Variants in MAP4K2 observed in about 807,000 individuals in gnomAD.
MAP4K2 encodes mitogen-activated protein kinase kinase kinase kinase 2.
A neutral mutation model predicts 125.3 loss-of-function variants in MAP4K2; 85 were observed. The observed-to-expected ratio is 0.68, with a 90% CI of 0.57 to 0.81. The LOEUF is 0.81. Among genes scored for constraint, MAP4K2 ranks in the 40% least tolerant of loss-of-function variants. The probability of loss-of-function intolerance (pLI) is 0.00; values close to 1 mark genes in which losing one functional copy is unlikely to be tolerated. For missense variants in MAP4K2, 923 were observed against 1,056.4 expected (o/e 0.87, Z 1.75); for synonymous variants, 479 against 445.1 (o/e 1.08, Z -0.96).
intron 12 of MAP4K2, 53 bp downstream of exon 12, chr11:64,800,056 G>T: frequency 7.0e-7 from 1 of 1,428,106 alleles, no homozygotes; most frequent in Non-Finnish European, 9.6e-7. Context: ...TCACCCTCGG[G>T]CTCTTTCTAA....
In MAP4K2 at chr11:64,796,485, C is replaced by T. The variant is rs370238726; in HGVS notation, c.1633+8G>A. Reference sequence around the variant, plus strand: ...GGACCCTGCCTCCCTGCCCATCCCACCTTGTACCTGAGAGTGACAGCAGCA... The same window carrying T: ...GGACCCTGCCTCCCTGCCCATCCCATCTTGTACCTGAGAGTGACAGCAGCA... On this transcript the variant is annotated splice_region_variant and intron_variant, in intron 23 of 31. Coordinates refer to ENST00000294066, the MANE Select transcript of MAP4K2 (RefSeq NM_004579.5). The T allele has an allele frequency of 5.9e-5, 95 of 1,613,928 alleles. 1 individual carries two copies. The African/African-American group carries it at 1.2e-3, about 20-fold the overall frequency.
intron 27 of MAP4K2, among the ~76,000 whole-genome samples, chr11:64,791,439 T>C (rs1449084822): frequency 6.6e-6 from 1 of 152,222 alleles, no homozygotes; most frequent in Non-Finnish European, 1.5e-5. Context: ...TGGAGTGCAG[T>C]GGCGCGAACA....
chr11:64,790,026 G>C lies in MAP4K2; in HGVS notation c.2249-67C>G, dbSNP rs559023055. ...CACCCCCTCAGCCACGCCTGAGCCT[G>C]GGTCTGGGCCACAGGGGTCCTCACT... On this transcript the variant is annotated intron_variant, in intron 29 of 31. Transcript: ENST00000294066. 11 of 1,587,294 alleles carry C rather than the reference G, an allele frequency of 6.9e-6. No individual in the cohort carries two copies. The African/African-American group carries it at 1.2e-4, about 17-fold the overall frequency.
At chr11:64,792,624 G>C (rs946233651) in intron 24 of MAP4K2, among the ~76,000 whole-genome samples, 1 of 152,208 alleles carries the variant, frequency 6.6e-6, no homozygotes, top group Non-Finnish European at 1.5e-5. Flanking sequence ...AGCCAGGAGG[G>C]AGTGTCTCCA....
At chr11:64,799,528 A>G in intron 13 of MAP4K2, 49 bp from the exon 14 acceptor site, 1 of 1,611,634 alleles carries the variant, frequency 6.2e-7, no homozygotes, top group Non-Finnish European at 8.5e-7. Context: ...CTCAGGATGG[A>G]CCTCTACTCA....
chr11:64,792,261 T>C lies in MAP4K2; in HGVS notation c.1825A>G (p.Thr609Ala), dbSNP rs922945025. The C allele has an allele frequency of 1.2e-6, 2 of 1,610,608 alleles. No individual in the cohort carries two copies. Among genetic ancestry groups the C allele is most frequent in the Non-Finnish European group, 1.7e-6 (2 of 1,179,104 alleles). ...LQCRVVRNPY[T>A]GATFLLAALP... ...GCGGCCAGCAGGAAGGTGGCACCCGTGTAGGGGTTCCGCACTGGCAGGGGA... is the reference window on the plus strand; with the variant it reads ...GCGGCCAGCAGGAAGGTGGCACCCGCGTAGGGGTTCCGCACTGGCAGGGGA... The change falls in exon 26 of 32, where the codon ACG becomes GCG. Residue 609 changes from threonine (T) to alanine (A), a missense_variant. Around this residue, in one of 2 missense-constraint regions of MAP4K2, gnomAD observed 833 missense variants for 911.4 expected, o/e 0.91. Coordinates refer to ENST00000294066, the MANE Select transcript of MAP4K2 (RefSeq NM_004579.5).
At chr11:64,800,558 C>T (rs1312175967) in intron 10 of MAP4K2, among the ~76,000 whole-genome samples, 166 bp from the exon 11 acceptor site, 1 of 152,230 alleles carries the variant, frequency 6.6e-6, no homozygotes, top group Non-Finnish European at 1.5e-5. Context: ...TGCGACACAG[C>T]GGCTCCTCCA....
At chr11:64,798,136 C>T (rs1002689514) in intron 15 of MAP4K2, among the ~76,000 whole-genome samples, 1 of 152,030 alleles carries the variant, frequency 6.6e-6, no homozygotes, top group Non-Finnish European at 1.5e-5. Context: ...GGATTACAGG[C>T]GTGGGCCACC....
intron 10 of MAP4K2, 73 bp from the exon 11 acceptor site, chr11:64,800,465 A>C (rs1565623962): frequency 6.6e-7 from 1 of 1,526,438 alleles, no homozygotes; most frequent in Non-Finnish European, 9.0e-7. Context: ...CAGCTGCCCT[A>C]CCACCCCTCC....
Position 64,792,494 on chromosome 11 carries a change from G to A in MAP4K2, c.1752-72C>T, listed in dbSNP as rs985743075. 4.7e-6 allele frequency: 6 copies of A among 1,288,786 alleles called. No homozygotes were observed. In the African/African-American group the frequency reaches 5.9e-5, roughly 13 times the overall value. 79.8% of individuals were successfully genotyped at this position (1,288,786 alleles called of 1,614,324 possible). A position where few individuals can be genotyped will look rare whatever the true frequency, so the allele number is the denominator to read the frequency against. On this transcript the variant is annotated intron_variant, in intron 24 of 31. Coordinates refer to ENST00000294066, the MANE Select transcript of MAP4K2 (RefSeq NM_004579.5). ...GCAAGGCCCCTGCAGAGCCCTATGA[G>A]GTGGGCACTATCAGCTTCCCTCTTT...
chr11:64,801,952 C>T, intron 5 of MAP4K2, 114 bp downstream of exon 5: 1 of 1,213,614 alleles, frequency 8.2e-7, no homozygotes, highest in Non-Finnish European at 1.2e-6. Flanking sequence ...GGACCTACAG[C>T]CCCTCGGGCC....
At position 64,798,857 on chromosome 11, in the gene MAP4K2, A is replaced by G; in HGVS notation, c.1054-20T>C. 6.3e-7 allele frequency: 1 copy of G among 1,580,214 alleles called. No individual in the cohort carries two copies. The highest frequency in any genetic ancestry group is 8.6e-7 in the Non-Finnish European group (1 of 1,163,592). ...CTCCCACTGGGGGAAACCAAGGTAGAGACCGGGGAAGAAGCAGAGACAGAT... is the reference window on the plus strand; with the variant it reads ...CTCCCACTGGGGGAAACCAAGGTAGGGACCGGGGAAGAAGCAGAGACAGAT... On this transcript the variant is annotated intron_variant, in intron 14 of 31. Coordinates refer to ENST00000294066, the MANE Select transcript of MAP4K2 (RefSeq NM_004579.5).
chr11:64,798,912 G>T, intron 14 of MAP4K2, 75 bp from the exon 15 acceptor site: 1 of 1,262,858 alleles, frequency 7.9e-7, no homozygotes, highest in Admixed American at 2.2e-5. Context: ...AAGAGATTCA[G>T]GAAAGGAAAG....
Position 64,797,346 on chromosome 11 carries a change from A to C in MAP4K2, c.1205T>G (p.Ile402Ser). Residue 402 changes from isoleucine to serine, a missense_variant, in exon 18 of 32, where the codon ATC becomes AGC. Around this residue, in one of 2 missense-constraint regions of MAP4K2, gnomAD observed 833 missense variants for 911.4 expected, o/e 0.91. Transcript: ENST00000294066. Reference protein sequence around the residue: ...LDSPDDTMGTIKRAPFLGPLP... With the variant: ...LDSPDDTMGTSKRAPFLGPLP... ...TGGCCCTAGGAACGGGGCCCGCTTG[A>C]TGGTTCCCATGGTATCGTCTGGGGA... The C allele has an allele frequency of 6.3e-7, 1 of 1,596,944 alleles. No individual in the cohort carries two copies. Among genetic ancestry groups the C allele is most frequent in the Non-Finnish European group, 8.5e-7 (1 of 1,171,808 alleles).
At position 64,797,671 on chromosome 11, in the gene MAP4K2, A is replaced by G; in HGVS notation, c.1098-7T>C. On this transcript the variant is annotated splice_polypyrimidine_tract_variant and splice_region_variant and intron_variant, in intron 15 of 31. Transcript: ENST00000294066. ...GACCGACTGCAGCAGGCTCCTGGGCAGTGGGGAAAAGGGGTCAGAGGTCAA... is the reference window on the plus strand; with the variant it reads ...GACCGACTGCAGCAGGCTCCTGGGCGGTGGGGAAAAGGGGTCAGAGGTCAA... The G allele has an allele frequency of 6.6e-7, 1 of 1,518,854 alleles. No individual in the cohort carries two copies. 94.1% of individuals were successfully genotyped at this position (1,518,854 alleles called of 1,614,324 possible). A position where few individuals can be genotyped will look rare whatever the true frequency, so the allele number is the denominator to read the frequency against.
chr11:64,795,593 G>A (rs1003960081), intron 24 of MAP4K2, among the ~76,000 whole-genome samples: 3 of 152,064 alleles, frequency 2.0e-5, no homozygotes, highest in East Asian at 1.9e-4. Flanking sequence ...TAGTACAGAC[G>A]GGGTTTCACT....
intron 3 of MAP4K2, 30 bp from the exon 4 acceptor site, chr11:64,802,513 A>T: frequency 6.4e-7 from 1 of 1,564,770 alleles, no homozygotes; most frequent in Non-Finnish European, 8.7e-7. Flanking sequence ...GTGGGCACAA[A>T]GCAGGTCACA....
chr11:64,802,974 G>A, intron 1 of MAP4K2, 32 bp from the exon 2 acceptor site: 2 of 1,557,100 alleles, frequency 1.3e-6, no homozygotes, highest in East Asian at 2.4e-5. Flanking sequence ...CGGGATGGGG[G>A]GCGGGGCCGG....
rs749898680 is a variant in MAP4K2 at position 64,800,081 on chromosome 11, GACTC to G, written c.915+24_915+27del. The G allele has an allele frequency of 7.1e-6, 11 of 1,540,084 alleles. No homozygotes were observed. The East Asian group carries it at 2.6e-4, about 37-fold the overall frequency. ...GCTCTTTCTAAGCAGACCAGCCCAA[GACTC>G]ACTTTCCAGCCCCCCTCACCTACCT... On this transcript the variant is annotated intron_variant, in intron 12 of 31. Coordinates refer to ENST00000294066, the MANE Select transcript of MAP4K2 (RefSeq NM_004579.5).
Sources: gnomAD v4.1 joint callset for allele counts (sites outside exome capture counted in the v4.1 genomes callset) on GRCh38, gnomAD v4.1.1 for gene constraint, gnomAD v4.1.1 regional missense constraint, MANE v1.5 for transcripts, NCBI Gene and HGNC (gene_info 2026-07-23, HGNC 2026-07-21) for gene names.